The following CADM2 variants were observed in gnomAD, a reference collection of about 807,000 sequenced individuals.
CADM2 encodes the protein immunoglobulin superfamily member 4D.
Under a neutral mutation model 49.8 loss-of-function variants are expected in CADM2, and 12 were observed. The observed-to-expected ratio is 0.24, with a 90% confidence interval of 0.15 to 0.39. CADM2 has a LOEUF of 0.39. Ranked by LOEUF, CADM2 falls within the 10% of genes least tolerant of loss-of-function variation. CADM2 has a pLI of 1.00. For synonymous variants in CADM2, 214 were observed against 175.4 expected, an observed-to-expected ratio of 1.22 and a Z score of -1.74; for missense variants, 378 against 492.3, an observed-to-expected ratio of 0.77 and a Z score of 2.20.
chr3:86,014,941 A>G, intron 8 of CADM2: 2 of 1,463,996 alleles, frequency 1.4e-6, no homozygotes, highest in Non-Finnish European at 1.9e-6. Flanking sequence ...AATGGACGAA[A>G]GCGTCTTAAA....
At position 85,013,142 on chromosome 3, in the gene CADM2, T is replaced by TA. The variant is rs56736286; in HGVS notation, c.61+53490dup. ...AGATTCTGTAATTTGCACTGGAAAT[T>TA]AAAAAAAAAAAAAAAATACCAAATT... On this transcript the variant is annotated intron_variant, in intron 1 of 9. Coordinates refer to ENST00000383699, the MANE Select transcript of CADM2 (RefSeq NM_001167675.2). Among the ~76,000 whole-genome samples, 838 of 143,992 alleles carry TA rather than the reference T, an allele frequency of 5.8e-3. 5 individuals carry two copies. Among genetic ancestry groups the TA allele is most frequent in the African/African-American group, 0.017 (672 of 39,418 alleles). 94.5% of individuals were successfully genotyped at this position (143,992 alleles called of 152,430 possible).
Position 86,073,659 on chromosome 3 carries a change from A to T in CADM2, c.*6876A>T, listed in dbSNP as rs1232860790. 6.6e-6 allele frequency: 1 copy of T among 152,064 alleles called. No individual in the cohort carries two copies. Among genetic ancestry groups the T allele is most frequent in the Non-Finnish European group, 1.5e-5 (1 of 67,922 alleles). 9.4% of individuals were successfully genotyped at this position (152,064 alleles called of 1,614,324 possible). ...GAATTTTAGTTATCTGTTGGACATTACTGAATTGTCTATTCATTTAGTACA... is the reference window on the plus strand; with the variant it reads ...GAATTTTAGTTATCTGTTGGACATTTCTGAATTGTCTATTCATTTAGTACA... On this transcript the variant is annotated 3_prime_UTR_variant, in exon 10 of 10. Coordinates refer to ENST00000383699, the MANE Select transcript of CADM2 (RefSeq NM_001167675.2).
intron 1 of CADM2, among the ~76,000 whole-genome samples, chr3:85,373,579 G>A (rs1010274629): frequency 1.3e-5 from 2 of 152,130 alleles, no homozygotes; most frequent in Non-Finnish European, 2.9e-5. Flanking sequence ...TCTGTGTGGG[G>A]TCTCTGACCC....
intron 3 of CADM2, among the ~76,000 whole-genome samples, chr3:85,841,941 A>G (rs573024333): frequency 2.0e-5 from 3 of 152,162 alleles, no homozygotes; most frequent in African/African-American, 7.2e-5. Context: ...TGTGATTTGT[A>G]AAATTATAGT....
chr3:85,479,646 T>C (rs927792689), intron 1 of CADM2, among the ~76,000 whole-genome samples: 2 of 151,872 alleles, frequency 1.3e-5, no homozygotes, highest in African/African-American at 4.8e-5. Context: ...ATGATGTCAG[T>C]TGTAGGAAAT....
intron 1 of CADM2, among the ~76,000 whole-genome samples, chr3:85,595,704 C>A (rs760875049): frequency 1.4e-4 from 21 of 151,890 alleles, no homozygotes; most frequent in Non-Finnish European, 2.2e-4. Context: ...TTCTGAATCT[C>A]TTCTGTCACA....
chr3:85,830,371 T>C (rs2074130630), intron 3 of CADM2, among the ~76,000 whole-genome samples: 1 of 151,954 alleles, frequency 6.6e-6, no homozygotes, highest in African/African-American at 2.4e-5. Flanking sequence ...GAAGATTATT[T>C]GTTTTCTTTT....
intron 5 of CADM2, among the ~76,000 whole-genome samples, chr3:85,907,159 A>T (rs910320754): frequency 5.3e-5 from 8 of 152,320 alleles, no homozygotes; most frequent in African/African-American, 1.9e-4. Context: ...GTTCTCTATG[A>T]GATGAGGTCA....
At chr3:85,145,059 T>A (rs1284599104) in intron 1 of CADM2, among the ~76,000 whole-genome samples, 1 of 152,214 alleles carries the variant, frequency 6.6e-6, no homozygotes, top group Admixed American at 6.5e-5. Context: ...TGGAGACCAA[T>A]TTCCAATTCT....
chr3:85,717,807 G>A (rs570131555), intron 1 of CADM2, among the ~76,000 whole-genome samples: 24 of 152,032 alleles, frequency 1.6e-4, no homozygotes, highest in Admixed American at 5.2e-4. Flanking sequence ...TACTCTTGTC[G>A]CCCAGGCTGG....
chr3:86,013,688 T>C, intron 8 of CADM2: 3 of 1,601,750 alleles, frequency 1.9e-6, no homozygotes, highest in Non-Finnish European at 2.6e-6. Flanking sequence ...TGGGGTTTGT[T>C]GATGAATCTC....
chr3:85,557,939 G>A (rs989552062), intron 1 of CADM2, among the ~76,000 whole-genome samples: 13 of 152,072 alleles, frequency 8.5e-5, no homozygotes, highest in Non-Finnish European at 1.3e-4. Context: ...ACAAATCTAC[G>A]TTCGTAAAGA....
chr3:85,256,529 G>A (rs576007860), intron 1 of CADM2, among the ~76,000 whole-genome samples: 2 of 152,006 alleles, frequency 1.3e-5, no homozygotes, highest in African/African-American at 2.4e-5. Context: ...TATTTTTTTG[G>A]ATATTGACTT....
At chr3:85,057,221 C>T (rs2036114339) in intron 1 of CADM2, among the ~76,000 whole-genome samples, 1 of 152,016 alleles carries the variant, frequency 6.6e-6, no homozygotes, top group African/African-American at 2.4e-5. Flanking sequence ...ATCCAAACAG[C>T]ATATTTGCCG....
chr3:85,200,056 C>A (rs775377140), intron 1 of CADM2, among the ~76,000 whole-genome samples: 4 of 151,950 alleles, frequency 2.6e-5, no homozygotes, highest in Non-Finnish European at 5.9e-5. Flanking sequence ...GTCCTAAATG[C>A]CCTTCCATGG....
chr3:85,970,761 T>A (rs1726024680), intron 8 of CADM2, among the ~76,000 whole-genome samples: 1 of 151,596 alleles, frequency 6.6e-6, no homozygotes. Flanking sequence ...ACAGTTTAGT[T>A]AATCCTCAAA....
intron 2 of CADM2, among the ~76,000 whole-genome samples, chr3:85,766,973 G>A (rs562064526): frequency 6.6e-6 from 1 of 152,088 alleles, no homozygotes; most frequent in Non-Finnish European, 1.5e-5. Flanking sequence ...TAGATTAGCA[G>A]CTCCCACAGG....
intron 7 of CADM2, among the ~76,000 whole-genome samples, chr3:85,956,623 T>G (rs1008201551): frequency 3.1e-4 from 47 of 151,552 alleles, no homozygotes; most frequent in African/African-American, 1.1e-3. Context: ...TTAACCAATT[T>G]TGTAGATGCT....
intron 3 of CADM2, among the ~76,000 whole-genome samples, chr3:85,820,084 C>G (rs1030600939): frequency 2.6e-5 from 4 of 152,022 alleles, no homozygotes; most frequent in African/African-American, 9.7e-5. Context: ...AGCAGAGAAG[C>G]AGCCAGAAGT....
Sources: gnomAD v4.1 joint callset for allele counts (sites outside exome capture counted in the v4.1 genomes callset) on GRCh38, gnomAD v4.1.1 for gene constraint, MANE v1.5 for transcripts, NCBI Gene and HGNC (gene_info 2026-07-23, HGNC 2026-07-21) for gene names.